HS6ST3: variants seen among roughly 807,000 people sequenced by gnomAD.
HS6ST3 encodes heparan-sulfate 6-O-sulfotransferase 3.
In HS6ST3, 12 loss-of-function variants were observed where a neutral mutation model predicts 36.7. The observed-to-expected ratio is 0.33, with a 90% confidence interval of 0.21 to 0.53. The LOEUF is 0.53. Among genes scored for constraint, HS6ST3 ranks in the 20% least tolerant of loss-of-function variants. The pLI is 0.95. For missense variants in HS6ST3, 584 were observed against 640.9 expected (o/e 0.91, Z 0.96); for synonymous variants, 240 against 257.5 (o/e 0.93, Z 0.65).
At chr13:96,613,040 A>G (rs1566411289) in intron 1 of HS6ST3, among the ~76,000 whole-genome samples, 4 of 152,168 alleles carry the variant, frequency 2.6e-5, no homozygotes, top group African/African-American at 9.7e-5. Context: ...TCTCTGCTCA[A>G]AAGTCCCTTT....
intron 1 of HS6ST3, among the ~76,000 whole-genome samples, chr13:96,292,369 A>G (rs993833014): frequency 6.6e-6 from 1 of 152,026 alleles, no homozygotes; most frequent in African/African-American, 2.4e-5. Flanking sequence ...TTTGTATTTT[A>G]AATTTTATTT....
Position 96,695,317 on chromosome 13 carries a change from C to G in HS6ST3, c.708-137173C>G, listed in dbSNP as rs544706159. Among the ~76,000 whole-genome samples the G allele has an allele frequency of 2.6e-5, 4 of 152,286 alleles. No homozygotes were observed. In the South Asian group the frequency reaches 8.3e-4, roughly 32 times the overall value. On this transcript the variant is annotated intron_variant, in intron 1 of 1. Coordinates refer to ENST00000376705, the MANE Select transcript of HS6ST3 (RefSeq NM_153456.4). ...GTCTCCTTTGAAGGTGTTGCAGTTGCCATTGCCCTTCTGAATGTCTGATAG... is the reference window on the plus strand; with the variant it reads ...GTCTCCTTTGAAGGTGTTGCAGTTGGCATTGCCCTTCTGAATGTCTGATAG...
chr13:96,286,515 G>A (rs930078545), intron 1 of HS6ST3, among the ~76,000 whole-genome samples: 1 of 152,122 alleles, frequency 6.6e-6, no homozygotes, highest in African/African-American at 2.4e-5. Flanking sequence ...AAACACAGAT[G>A]AATAGAATCT....
chr13:96,132,169 CACAG>C (rs1301856111), intron 1 of HS6ST3, among the ~76,000 whole-genome samples: 17 of 127,892 alleles, frequency 1.3e-4, no homozygotes, highest in East Asian at 7.3e-4. Flanking sequence ...CACACACACA[CACAG>C]AGCGCATTTT....
chr13:96,755,467 C>T (rs773786201), intron 1 of HS6ST3, among the ~76,000 whole-genome samples: 4 of 152,018 alleles, frequency 2.6e-5, no homozygotes, highest in South Asian at 2.1e-4. Flanking sequence ...TGTGTTCAAG[C>T]GATTCTCCTG....
chr13:96,099,558 T>C (rs2139294055), intron 1 of HS6ST3, among the ~76,000 whole-genome samples: 1 of 152,320 alleles, frequency 6.6e-6, no homozygotes, highest in Non-Finnish European at 1.5e-5. Flanking sequence ...AATCCTGCAG[T>C]GAAATTGAAT....
At chr13:96,729,730 T>G (rs1274761392) in intron 1 of HS6ST3, among the ~76,000 whole-genome samples, 1 of 152,122 alleles carries the variant, frequency 6.6e-6, no homozygotes, top group African/African-American at 2.4e-5. Flanking sequence ...CTTCCCAAAG[T>G]ACTGAGATTA....
At chr13:96,219,807 C>T (rs1362126785) in intron 1 of HS6ST3, among the ~76,000 whole-genome samples, 2 of 152,186 alleles carry the variant, frequency 1.3e-5, no homozygotes, top group East Asian at 3.9e-4. Context: ...CCTCAGCCTC[C>T]CAAGTAGCTG....
At chr13:96,726,436 T>C (rs1474225196) in intron 1 of HS6ST3, among the ~76,000 whole-genome samples, 1 of 152,204 alleles carries the variant, frequency 6.6e-6, no homozygotes, top group Admixed American at 6.5e-5. Flanking sequence ...ATGTCTTTCA[T>C]AGGATTGATG....
chr13:96,167,737 GATATT>G (rs2139332498), intron 1 of HS6ST3, among the ~76,000 whole-genome samples: 1 of 152,284 alleles, frequency 6.6e-6, no homozygotes, highest in East Asian at 1.9e-4. Flanking sequence ...GATTAATTAA[GATATT>G]ATATGCAAGT....
intron 1 of HS6ST3, among the ~76,000 whole-genome samples, chr13:96,775,267 G>T (rs1312417155): frequency 6.6e-6 from 1 of 151,732 alleles, no homozygotes; most frequent in Non-Finnish European, 1.5e-5. Context: ...TGAAGGAACT[G>T]CATCAACTAA....
At chr13:96,648,793 C>A (rs750170329) in intron 1 of HS6ST3, among the ~76,000 whole-genome samples, 79 of 152,050 alleles carry the variant, frequency 5.2e-4, no homozygotes, top group Non-Finnish European at 3.1e-4. Flanking sequence ...AGGATAATGA[C>A]TTCCAGCTCC....
rs1311141796 is a variant in HS6ST3, at chr13:96,836,326, G to A, written c.*3128G>A. ...GGATGAGACAACTTTGTGTATATGT[G>A]CACGTGTGTGGTGTGTGTGTGTTTT... On this transcript the variant is annotated 3_prime_UTR_variant, in exon 2 of 2. Transcript: ENST00000376705. The A allele has an allele frequency of 2.0e-5, 3 of 152,188 alleles. No individual in the cohort carries two copies. The highest frequency in any genetic ancestry group is 7.2e-5 in the African/African-American group (3 of 41,436). 9.4% of individuals were successfully genotyped at this position (152,188 alleles called of 1,614,324 possible).
chr13:96,760,828 A>G (rs1400125594), intron 1 of HS6ST3, among the ~76,000 whole-genome samples: 1 of 151,926 alleles, frequency 6.6e-6, no homozygotes, highest in Non-Finnish European at 1.5e-5. Flanking sequence ...TGCTTTTTTT[A>G]TTAGCATAGG....
At chr13:96,319,797 A>C (rs1282922182) in intron 1 of HS6ST3, among the ~76,000 whole-genome samples, 2 of 152,204 alleles carry the variant, frequency 1.3e-5, no homozygotes, top group African/African-American at 4.8e-5. Context: ...AAGCAGGTGC[A>C]TTTCAGGATT....
intron 1 of HS6ST3, among the ~76,000 whole-genome samples, chr13:96,155,643 A>T (rs934178515): frequency 3.3e-5 from 5 of 152,226 alleles, no homozygotes; most frequent in African/African-American, 1.2e-4. Flanking sequence ...TGAAAACCTG[A>T]TGATAGAAAA....
chr13:96,226,846 G>A (rs1264169147), intron 1 of HS6ST3, among the ~76,000 whole-genome samples: 1 of 152,100 alleles, frequency 6.6e-6, no homozygotes, highest in Non-Finnish European at 1.5e-5. Flanking sequence ...CAAGTACAAG[G>A]CAAAGTCTTT....
chr13:96,534,536 A>C (rs1264341903), intron 1 of HS6ST3, among the ~76,000 whole-genome samples: 1 of 152,248 alleles, frequency 6.6e-6, no homozygotes, highest in Non-Finnish European at 1.5e-5. Flanking sequence ...TGAAGAATCA[A>C]CATATGTTAG....
At chr13:96,374,427 C>T (rs1023435254) in intron 1 of HS6ST3, among the ~76,000 whole-genome samples, 8 of 152,056 alleles carry the variant, frequency 5.3e-5, no homozygotes, top group African/African-American at 1.7e-4. Context: ...TGGGATTTCC[C>T]ATTCTCTGTG....
Sources: allele counts gnomAD v4.1 joint callset (sites outside exome capture counted in the v4.1 genomes callset), GRCh38; gene constraint gnomAD v4.1.1; transcripts MANE v1.5; gene names NCBI Gene and HGNC (gene_info 2026-07-23, HGNC 2026-07-21).